The following SHF variants were observed in gnomAD, a reference collection of about 807,000 sequenced individuals.
SHF encodes Src homology 2 domain containing F, also known as SH2 domain-containing adapter protein F.
A neutral mutation model predicts 42.4 loss-of-function variants in SHF; 30 were observed. The ratio of observed to expected loss-of-function variants is 0.71; its 90% CI spans 0.53 to 0.96. The LOEUF is 0.96. SHF is among the 40% of genes least tolerant of loss of function. The probability of loss-of-function intolerance (pLI) is 0.00; values close to 1 mark genes in which losing one functional copy is unlikely to be tolerated. For missense variants in SHF, 598 were observed against 634.0 expected (o/e 0.94, Z 0.61); for synonymous variants, 264 against 269.9 (o/e 0.98, Z 0.21).
In SHF at chr15:45,175,342, C is replaced by G. The variant is rs1632144; in HGVS notation, c.724G>C (p.Ala242Pro). 1,583,279 of 1,601,266 alleles carry G rather than the reference C, an allele frequency of 0.99. 783,852 individuals are homozygous for G. The highest frequency in any genetic ancestry group is 1 in the Non-Finnish European group (1,171,868 of 1,174,202). Reference sequence around the variant, plus strand: ...GGCCAGGGGGCCCCCTCACCTTCCGCGGTGGCCCCATCCTCCTCTGGCTCA... The same window carrying G: ...GGCCAGGGGGCCCCCTCACCTTCCGGGGTGGCCCCATCCTCCTCTGGCTCA... ...PYEPEEDGATAEGEGAPWPRE... is the reference protein window; with the variant it reads ...PYEPEEDGATPEGEGAPWPRE... Residue 242 changes from alanine (A) to proline (P), a missense_variant, in exon 3 of 7, where the codon GCG becomes CCG. By Grantham distance (27) the Ala-to-Pro change is conservative. This residue lies in a region of SHF where 439 missense variants were observed against 524.6 expected (regional missense o/e 0.84). Transcript: ENST00000690270.
intron 6 of SHF, 112 bp downstream of exon 6, chr15:45,171,771 G>T: frequency 1.7e-6 from 2 of 1,177,010 alleles, no homozygotes; most frequent in South Asian, 1.5e-5. Context: ...CAGTGCCTGG[G>T]GATTGTTCAT....
intron 6 of SHF, among the ~76,000 whole-genome samples, chr15:45,169,519 GC>G: frequency 6.6e-6 from 1 of 152,198 alleles, no homozygotes; most frequent in Non-Finnish European, 1.5e-5. Flanking sequence ...GAGGCAAACA[GC>G]CCCTGTGGGT....
chr15:45,171,771 G>A, intron 6 of SHF, 112 bp downstream of exon 6: 1 of 1,177,012 alleles, frequency 8.5e-7, no homozygotes, highest in Non-Finnish European at 1.2e-6. Flanking sequence ...CAGTGCCTGG[G>A]GATTGTTCAT....
upstream of SHF, chr15:45,188,005 G>A (rs1423633088): frequency 1.0e-5 from 5 of 491,432 alleles, no homozygotes; most frequent in Middle Eastern, 7.0e-4. Context: ...GGGCGGGGGC[G>A]GGGGTGGGGA....
chr15:45,198,818 G>A (rs780265146), exon 2 of SHF: 12 of 1,613,872 alleles, frequency 7.4e-6, no homozygotes, highest in African/African-American at 2.7e-5. Flanking sequence ...GCGCAGGCGC[G>A]TTGTACTCCG....
rs756119360 is a variant in SHF at position 45,175,308 on chromosome 15, G to T, written c.758C>A (p.Ser253Tyr). ...EGEGAPWPRESRLPEDDERPP... is the reference protein window; with the variant it reads ...EGEGAPWPREYRLPEDDERPP... ...CCTCTCATCATCCTCTGGCAGGCGGGACTCCCGGGGCCAGGGGGCCCCCTC... is the reference window on the plus strand; with the variant it reads ...CCTCTCATCATCCTCTGGCAGGCGGTACTCCCGGGGCCAGGGGGCCCCCTC... The change falls in exon 3 of 7, where the codon TCC becomes TAC. Residue 253 changes from serine (S) to tyrosine (Y), a missense_variant. By Grantham distance (144) the Ser-to-Tyr change is moderately radical. Transcript: ENST00000690270. 4 of 1,609,122 alleles carry T rather than the reference G, an allele frequency of 2.5e-6. No homozygotes were observed. In the South Asian group the frequency reaches 3.3e-5, roughly 13 times the overall value.
upstream of SHF, among the ~76,000 whole-genome samples, chr15:45,189,022 C>A (rs975142909): frequency 2.0e-5 from 3 of 151,976 alleles, no homozygotes; most frequent in African/African-American, 7.3e-5. Flanking sequence ...GAAACCCCGT[C>A]TCTACCAAAA....
intron 2 of SHF, among the ~76,000 whole-genome samples, chr15:45,196,142 G>A (rs1338567497): frequency 1.5e-5 from 2 of 135,822 alleles, no homozygotes; most frequent in Admixed American, 1.6e-4. Flanking sequence ...CTGTCACCTA[G>A]GCTGGAGTGC....
At chr15:45,199,381 A>C (rs1898991945) in intron 1 of SHF, among the ~76,000 whole-genome samples, 1 of 152,226 alleles carries the variant, frequency 6.6e-6, no homozygotes. Flanking sequence ...CACAGCAGGC[A>C]GTGGCTATTT....
intron 2 of SHF, among the ~76,000 whole-genome samples, chr15:45,195,962 G>T (rs952674638): frequency 5.9e-5 from 9 of 152,188 alleles, no homozygotes; most frequent in Admixed American, 2.6e-4. Context: ...TGTTAAGACA[G>T]AGCTCCATTT....
chr15:45,172,360 G>C (rs1383013429), intron 4 of SHF, 42 bp from the exon 5 acceptor site: 7 of 1,511,374 alleles, frequency 4.6e-6, no homozygotes, highest in Non-Finnish European at 6.2e-6. Context: ...GGACCCTAGA[G>C]GTCCTCAGAG....
At chr15:45,183,667 C>G (rs78590043) in intron 1 of SHF, among the ~76,000 whole-genome samples, 7,544 of 152,332 alleles carry the variant, frequency 0.05, 647 homozygotes, top group African/African-American at 0.17. Context: ...AGCTCCCACC[C>G]ATGGTCCTCA....
chr15:45,190,039 T>C (rs941127642), upstream of SHF, among the ~76,000 whole-genome samples: 1 of 152,158 alleles, frequency 6.6e-6, no homozygotes, highest in Admixed American at 6.5e-5. Flanking sequence ...ACAGTGCTTC[T>C]CAAACTTTAA....
In SHF at chr15:45,171,697, T is replaced by G; in HGVS notation, c.1280+186A>C. 7 of 639,880 alleles carry G rather than the reference T, an allele frequency of 1.1e-5. No individual in the cohort carries two copies. The South Asian group carries it at 1.4e-4, about 13-fold the overall frequency. 39.6% of individuals were successfully genotyped at this position (639,880 alleles called of 1,614,324 possible). ...TGAGCTGGATGCTGCGGATCAACTA[T>G]TTCTCCCAATGGACTCTGAGCTCCT... On this transcript the variant is annotated intron_variant, in intron 6 of 6. Coordinates refer to ENST00000690270, the MANE Select transcript of SHF (RefSeq NM_001394037.1).
At chr15:45,187,097 C>T (rs924667039) in intron 1 of SHF, among the ~76,000 whole-genome samples, 2 of 152,162 alleles carry the variant, frequency 1.3e-5, no homozygotes, top group African/African-American at 4.8e-5. Context: ...GGCAGAAAGG[C>T]CATCAACCAG....
upstream of SHF, among the ~76,000 whole-genome samples, chr15:45,192,696 C>G (rs965612960): frequency 6.6e-6 from 1 of 152,092 alleles, no homozygotes; most frequent in African/African-American, 2.4e-5. Context: ...ATTAAGTTTC[C>G]CCATTTCATC....
chr15:45,173,260 C>T (rs1366912546), intron 4 of SHF, among the ~76,000 whole-genome samples: 2 of 152,348 alleles, frequency 1.3e-5, no homozygotes, highest in African/African-American at 4.8e-5. Flanking sequence ...CTTGCTGTGT[C>T]TGTCCCACCC....
In SHF at chr15:45,172,022, A is replaced by AG. The variant is rs779259784; in HGVS notation, c.1161-21dup. 1.9e-6 allele frequency: 3 copies of AG among 1,613,746 alleles called. No homozygotes were observed. The highest frequency in any genetic ancestry group is 2.5e-6 in the Non-Finnish European group (3 of 1,179,824). On this transcript the variant is annotated intron_variant, in intron 5 of 6. Coordinates refer to ENST00000690270, the MANE Select transcript of SHF (RefSeq NM_001394037.1). ...TACCAGCTAAGGATGAGAGAGAGGA[A>AG]GGGGGGCATCTCTGCTGGGTCCCTC... is the stretch of plus-strand genomic sequence containing the variant.
rs893116445 is a variant in SHF at position 45,187,775 on chromosome 15, C to G, written c.177G>C (p.Gly59=). 20 of 862,184 alleles carry G rather than the reference C, an allele frequency of 2.3e-5. No homozygotes were observed. In the Admixed American group the frequency reaches 5.9e-4, roughly 25 times the overall value. The allele number at this position is 862,184 out of a possible 1,614,324, so 53.4% of individuals were successfully genotyped here. A position where few individuals can be genotyped will look rare whatever the true frequency, so the allele number is the denominator to read the frequency against. ...KWLREHLGFR[G]GGGGGGGSKP... ...TGCTGCCCCCTCCGCCGCCGCCCCC[C>G]CCGCGGAAGCCCAGGTGCTCCCGGA... Residue 59 remains glycine, a synonymous_variant, in exon 1 of 7, where the codon GGG becomes GGC. Coordinates refer to ENST00000690270, the MANE Select transcript of SHF (RefSeq NM_001394037.1).
Sources: gnomAD v4.1 joint callset for allele counts (sites outside exome capture counted in the v4.1 genomes callset) on GRCh38, gnomAD v4.1.1 for gene constraint, gnomAD v4.1.1 regional missense constraint, MANE v1.5 for transcripts, NCBI Gene and HGNC (gene_info 2026-07-23, HGNC 2026-07-21) for gene names.